FIGN: variants seen among roughly 807,000 people sequenced by gnomAD.
FIGN encodes the protein fidgetin, microtubule severing factor.
FIGN carries 11 observed loss-of-function variants against 51.3 expected under a neutral mutation model. The observed-to-expected ratio is 0.21, with a 90% confidence interval of 0.13 to 0.35. FIGN has a LOEUF of 0.35. FIGN is among the 10% of genes least tolerant of loss of function. The pLI, the probability that FIGN is intolerant of heterozygous loss-of-function variation, is 1.00. For synonymous variants in FIGN, 407 were observed against 363.2 expected, an observed-to-expected ratio of 1.12 and a Z score of -1.37; for missense variants, 857 against 943.6, an observed-to-expected ratio of 0.91 and a Z score of 1.20.
At chr2:163,652,359 CAA>C (rs370850089) in intron 2 of FIGN, among the ~76,000 whole-genome samples, 9,412 of 125,244 alleles carry the variant, frequency 0.075, 398 homozygotes, top group Middle Eastern at 0.099. Flanking sequence ...CACACACACA[CAA>C]ACACACACAC....
intron 2 of FIGN, among the ~76,000 whole-genome samples, chr2:163,664,198 T>C (rs1202537074): frequency 1.3e-5 from 2 of 152,164 alleles, no homozygotes; most frequent in Non-Finnish European, 2.9e-5. Flanking sequence ...TTAAGTAGAC[T>C]TGAAGTCCCT....
At chr2:163,652,388 A>ACT (rs1434666647) in intron 2 of FIGN, among the ~76,000 whole-genome samples, 2 of 150,724 alleles carry the variant, frequency 1.3e-5, no homozygotes, top group Non-Finnish European at 3.0e-5. Flanking sequence ...ACACACACAC[A>ACT]CTTTCACTAA....
chr2:163,712,966 C>A (rs1291206692), intron 2 of FIGN, among the ~76,000 whole-genome samples: 1 of 152,118 alleles, frequency 6.6e-6, no homozygotes, highest in African/African-American at 2.4e-5. Context: ...TCATGACAGA[C>A]AAACACCTAA....
At chr2:163,671,819 G>A (rs1683881980) in intron 2 of FIGN, among the ~76,000 whole-genome samples, 1 of 152,136 alleles carries the variant, frequency 6.6e-6, no homozygotes, top group Non-Finnish European at 1.5e-5. Flanking sequence ...CAAAATAGGT[G>A]AGTATTAACA....
chr2:163,648,871 G>A (rs1043587707), intron 2 of FIGN, among the ~76,000 whole-genome samples: 14 of 152,090 alleles, frequency 9.2e-5, no homozygotes, highest in African/African-American at 2.4e-4. Context: ...GTAAGAAGAC[G>A]AATTTCATTT....
chr2:163,695,647 C>A (rs1423597834), intron 2 of FIGN, among the ~76,000 whole-genome samples: 1 of 152,172 alleles, frequency 6.6e-6, no homozygotes, highest in Non-Finnish European at 1.5e-5. Context: ...TGAACTGTGA[C>A]CATCCTGGGC....
intron 2 of FIGN, among the ~76,000 whole-genome samples, chr2:163,648,206 T>C (rs1022363521): frequency 2.6e-5 from 4 of 150,978 alleles, no homozygotes; most frequent in African/African-American, 9.7e-5. Flanking sequence ...CCCCAAACCA[T>C]CACAAGCAGA....
chr2:163,615,173 C>T (rs1242614988), intron 2 of FIGN, among the ~76,000 whole-genome samples: 2 of 152,094 alleles, frequency 1.3e-5, no homozygotes, highest in Non-Finnish European at 2.9e-5. Context: ...TTTATTGATG[C>T]ATAGTAAATA....
At chr2:163,616,393 T>C (rs1024039962) in intron 2 of FIGN, among the ~76,000 whole-genome samples, 1 of 152,320 alleles carries the variant, frequency 6.6e-6, no homozygotes, top group African/African-American at 2.4e-5. Flanking sequence ...AATATCAATG[T>C]GAGGCACTCA....
intron 2 of FIGN, among the ~76,000 whole-genome samples, chr2:163,726,997 T>C (rs1684847895): frequency 6.6e-6 from 1 of 152,074 alleles, no homozygotes; most frequent in Non-Finnish European, 1.5e-5. Context: ...AGAATAATTA[T>C]CTTGTAAGAT....
chr2:163,628,600 A>T (rs1683094307), intron 2 of FIGN, among the ~76,000 whole-genome samples: 1 of 152,150 alleles, frequency 6.6e-6, no homozygotes, highest in African/African-American at 2.4e-5. Context: ...GACAAATTCG[A>T]GGGGACAAAT....
At chr2:163,698,488 T>A (rs1684357733) in intron 2 of FIGN, among the ~76,000 whole-genome samples, 1 of 152,036 alleles carries the variant, frequency 6.6e-6, no homozygotes, top group Admixed American at 6.6e-5. Context: ...AATGCAGGTC[T>A]TATTTCCAAG....
At chr2:163,715,780 C>A (rs1034563237) in intron 2 of FIGN, among the ~76,000 whole-genome samples, 3 of 152,154 alleles carry the variant, frequency 2.0e-5, no homozygotes, top group African/African-American at 7.2e-5. Flanking sequence ...AGAGGACACT[C>A]ATTTTAAAAA....
intron 2 of FIGN, among the ~76,000 whole-genome samples, chr2:163,725,101 G>A (rs888137701): frequency 2.0e-5 from 3 of 151,982 alleles, no homozygotes; most frequent in African/African-American, 7.2e-5. Context: ...AACAAATGCT[G>A]CTTTACTCTT....
At chr2:163,684,257 C>G (rs147594179) in intron 2 of FIGN, among the ~76,000 whole-genome samples, 1 of 152,196 alleles carries the variant, frequency 6.6e-6, no homozygotes, top group East Asian at 1.9e-4. Flanking sequence ...TATAAAGGTA[C>G]TACAAAAAGT....
At chr2:163,651,405 G>T (rs144074259) in intron 2 of FIGN, among the ~76,000 whole-genome samples, 1 of 152,090 alleles carries the variant, frequency 6.6e-6, no homozygotes, top group East Asian at 1.9e-4. Flanking sequence ...GCAGTGAGCC[G>T]AGATCAAGCC....
intron 2 of FIGN, among the ~76,000 whole-genome samples, chr2:163,730,872 T>C (rs1169381408): frequency 6.6e-6 from 1 of 152,200 alleles, no homozygotes; most frequent in African/African-American, 2.4e-5. Flanking sequence ...ATTAAATTTA[T>C]TTGCTCTTCA....
At chr2:163,668,945 G>T (rs1225606571) in intron 2 of FIGN, among the ~76,000 whole-genome samples, 1 of 137,236 alleles carries the variant, frequency 7.3e-6, no homozygotes, top group Non-Finnish European at 1.6e-5. Context: ...CATCTCAAAA[G>T]AAAAAAAAGA....
intron 2 of FIGN, among the ~76,000 whole-genome samples, chr2:163,700,008 A>G (rs1226892783): frequency 6.6e-6 from 1 of 152,036 alleles, no homozygotes; most frequent in Non-Finnish European, 1.5e-5. Flanking sequence ...TGAAATTATG[A>G]TTGGAAGAAG....
Sources: allele counts gnomAD v4.1 joint callset (sites outside exome capture counted in the v4.1 genomes callset), GRCh38; gene constraint gnomAD v4.1.1; transcripts MANE v1.5; gene names NCBI Gene and HGNC (gene_info 2026-07-23, HGNC 2026-07-21).